TMPRSS5: variants seen among roughly 807,000 people sequenced by gnomAD.
TMPRSS5 encodes the protein transmembrane protease serine 5.
Under a neutral mutation model 59.7 loss-of-function variants are expected in TMPRSS5, and 45 were observed. The observed-to-expected ratio is 0.75, with a 90% CI of 0.59 to 0.97. The LOEUF (loss-of-function observed/expected upper bound fraction) is 0.97. Ranked by LOEUF, TMPRSS5 falls within the 50% of genes least tolerant of loss-of-function variation. The pLI is 0.00. For missense variants in TMPRSS5, 585 were observed against 596.7 expected (o/e 0.98, Z 0.20); for synonymous variants, 225 against 232.0 (o/e 0.97, Z 0.27).
At chr11:113,691,287 A>C (rs982315570) in intron 9 of TMPRSS5, among the ~76,000 whole-genome samples, 1 of 152,176 alleles carries the variant, frequency 6.6e-6, no homozygotes, top group African/African-American at 2.4e-5. Flanking sequence ...TGTTTCCAAA[A>C]ACGTGACATA....
At chr11:113,691,064 G>T in intron 9 of TMPRSS5, 125 bp from the exon 10 acceptor site, 1 of 850,322 alleles carries the variant, frequency 1.2e-6, no homozygotes, top group Non-Finnish European at 1.8e-6. Flanking sequence ...CTGGCTCCTG[G>T]GTTCCACCAG....
At chr11:113,702,250 A>G (rs181795987) in intron 1 of TMPRSS5, among the ~76,000 whole-genome samples, 3 of 152,324 alleles carry the variant, frequency 2.0e-5, no homozygotes, top group African/African-American at 7.2e-5. Context: ...CAATAAACAT[A>G]TGTGTGCATG....
chr11:113,699,268 T>TCCCTCTCTCTCTCC (rs1953043195), intron 3 of TMPRSS5, among the ~76,000 whole-genome samples: 1 of 66,756 alleles, frequency 1.5e-5, no homozygotes, highest in African/African-American at 6.7e-5. Flanking sequence ...TCTCTCTCTC[T>TCCCTCTCTCTCTCC]CTCCCTCTCT....
Position 113,706,289 on chromosome 11 carries a change from G to A in TMPRSS5, c.-65C>T. 3 of 1,574,668 alleles carry A rather than the reference G, an allele frequency of 1.9e-6. No individual in the cohort carries two copies. The highest frequency in any genetic ancestry group is 2.6e-6 in the Non-Finnish European group (3 of 1,158,510). ...AGGCAATGTTCCGCTCCTGTTCTCA[G>A]GCCAGCATTGATTAAAGCTAGCCCA... On this transcript the variant is annotated 5_prime_UTR_variant, in exon 1 of 13. Transcript: ENST00000299882.
Position 113,699,521 on chromosome 11 carries a change from C to T in TMPRSS5, c.205+74G>A, listed in dbSNP as rs1188937755. The T allele has an allele frequency of 3.9e-6, 5 of 1,282,362 alleles. No homozygotes were observed. In the South Asian group the frequency reaches 6.8e-5, roughly 17 times the overall value. The allele number at this position is 1,282,362 out of a possible 1,614,324, so 79.4% of individuals were successfully genotyped here. A position where few individuals can be genotyped will look rare whatever the true frequency, so the allele number is the denominator to read the frequency against. On this transcript the variant is annotated intron_variant, in intron 3 of 12. Transcript: ENST00000299882. ...TTGAGGAAGACAGTTGTCCCATTTA[C>T]CTTTAACACCTGCTCAGCACCTGCT...
chr11:113,690,537 C>T (rs1438612627), intron 10 of TMPRSS5, among the ~76,000 whole-genome samples, 164 bp from the exon 11 acceptor site: 11 of 152,060 alleles, frequency 7.2e-5, no homozygotes, highest in Non-Finnish European at 1.6e-4. Context: ...GGCTATCGGA[C>T]TTGGGGGCTG....
chr11:113,691,882 C>CTTTTTTTTT (rs1335395772), intron 9 of TMPRSS5, among the ~76,000 whole-genome samples: 12,293 of 70,032 alleles, frequency 0.18, 2,300 homozygotes, highest in African/African-American at 0.42. Context: ...GTTTTCTTTT[C>CTTTTTTTTT]CTTTTTTTTC....
chr11:113,689,267 A>T (rs1591369678), intron 12 of TMPRSS5, among the ~76,000 whole-genome samples: 2 of 152,224 alleles, frequency 1.3e-5, no homozygotes, highest in Admixed American at 1.3e-4. Flanking sequence ...GAGGCAGGAA[A>T]ATCGCTTGAA....
intron 5 of TMPRSS5, 58 bp downstream of exon 5, chr11:113,697,224 TC>T: frequency 6.4e-7 from 1 of 1,567,506 alleles, no homozygotes. Flanking sequence ...GGTCTCCAAT[TC>T]CCATCCCACA....
intron 1 of TMPRSS5, among the ~76,000 whole-genome samples, chr11:113,703,618 G>T (rs1953202344): frequency 6.6e-6 from 1 of 152,188 alleles, no homozygotes; most frequent in Non-Finnish European, 1.5e-5. Flanking sequence ...ATTTTGAATT[G>T]TAATTTTGAA....
intron 8 of TMPRSS5, chr11:113,693,849 T>A (rs1464287007): frequency 6.6e-6 from 1 of 152,360 alleles, no homozygotes; most frequent in Non-Finnish European, 1.5e-5. Flanking sequence ...TCCCTGCTCC[T>A]GCAGAGCTTC....
intron 8 of TMPRSS5, chr11:113,693,678 G>A (rs11601037): frequency 0.32 from 49,955 of 157,030 alleles, 8,726 homozygotes; most frequent in East Asian, 0.47. Flanking sequence ...TGCCCTGTCC[G>A]GCACCAAGAG....
At chr11:113,700,391 G>A (rs1182730550) in intron 1 of TMPRSS5, among the ~76,000 whole-genome samples, 3 of 152,092 alleles carry the variant, frequency 2.0e-5, no homozygotes, top group African/African-American at 7.2e-5. Context: ...ACTCTCACAT[G>A]GCCAGTAGCA....
intron 1 of TMPRSS5, among the ~76,000 whole-genome samples, chr11:113,702,141 A>G (rs1241730069): frequency 1.3e-5 from 2 of 152,198 alleles, no homozygotes; most frequent in Non-Finnish European, 2.9e-5. Context: ...ATGGCTGCAT[A>G]GTATTCCATG....
intron 9 of TMPRSS5, 183 bp from the exon 10 acceptor site, chr11:113,691,122 G>A (rs767950291): frequency 9.6e-5 from 57 of 594,956 alleles, no homozygotes; most frequent in Non-Finnish European, 1.5e-4. Flanking sequence ...CCCATCTTTG[G>A]GGTCCCCTGT....
chr11:113,690,503 T>TGGAC lies in TMPRSS5; in HGVS notation c.1064-134_1064-131dup, dbSNP rs1168843320. On this transcript the variant is annotated intron_variant, in intron 10 of 12. Coordinates refer to ENST00000299882, the MANE Select transcript of TMPRSS5 (RefSeq NM_030770.4). ...AGAGGCGAGCCCAGGGTGGGAGCTG[T>TGGAC]GGACGCTGAGCAAGGAAGCAGTAGG... is the stretch of plus-strand genomic sequence containing the variant. 3.6e-5 allele frequency: 50 copies of TGGAC among 1,379,364 alleles called. No homozygotes were observed. The African/African-American group carries it at 6.6e-4, about 18-fold the overall frequency. 85.4% of individuals were successfully genotyped at this position (1,379,364 alleles called of 1,614,324 possible). A position where few individuals can be genotyped will look rare whatever the true frequency, so the allele number is the denominator to read the frequency against.
In TMPRSS5 at chr11:113,689,752, C is replaced by T. The variant is rs369152546; in HGVS notation, c.1359+13G>A. 3 of 1,607,380 alleles carry T rather than the reference C, an allele frequency of 1.9e-6. No individual in the cohort carries two copies. Among genetic ancestry groups the T allele is most frequent in the Admixed American group, 3.4e-5 (2 of 59,280 alleles). On this transcript the variant is annotated intron_variant, in intron 12 of 12. Coordinates refer to ENST00000299882, the MANE Select transcript of TMPRSS5 (RefSeq NM_030770.4). ...TAGAAATCTCCCTGCCCTACTCCTGCCCCCACACTCACCTGAGCAGTGTCA... is the reference window on the plus strand; with the variant it reads ...TAGAAATCTCCCTGCCCTACTCCTGTCCCCACACTCACCTGAGCAGTGTCA...
At chr11:113,699,163 T>A (rs1324026834) in intron 3 of TMPRSS5, 136 bp from the exon 4 acceptor site, 1 of 888,940 alleles carries the variant, frequency 1.1e-6, no homozygotes, top group Non-Finnish European at 1.7e-6. Flanking sequence ...TCCATCTCTC[T>A]CGGCCTCAGC....
chr11:113,689,680 G>T, intron 12 of TMPRSS5, 85 bp downstream of exon 12: 2 of 1,478,176 alleles, frequency 1.4e-6, no homozygotes, highest in Non-Finnish European at 1.8e-6. Flanking sequence ...CCCCAGCAGG[G>T]CCCGGGCCTA....
Sources: allele counts gnomAD v4.1 joint callset (sites outside exome capture counted in the v4.1 genomes callset), GRCh38; gene constraint gnomAD v4.1.1; transcripts MANE v1.5; gene names NCBI Gene and HGNC (gene_info 2026-07-23, HGNC 2026-07-21).